ACBD3: variants seen among roughly 807,000 people sequenced by gnomAD.
The protein encoded by ACBD3 is acyl-CoA binding domain containing 3, also known as Golgi resident protein GCP60.
Under a neutral mutation model 66.9 loss-of-function variants are expected in ACBD3, and 30 were observed. That is an observed-to-expected ratio of 0.45 (90% CI 0.34 to 0.61). The LOEUF is 0.61. ACBD3 is among the 20% of genes least tolerant of loss of function. The pLI, the probability that ACBD3 is intolerant of heterozygous loss-of-function variation, is 0.02. For missense variants in ACBD3, 544 were observed against 664.5 expected, an observed-to-expected ratio of 0.82 and a Z score of 1.99; for synonymous variants, 278 against 259.8, an observed-to-expected ratio of 1.07 and a Z score of -0.68.
At chr1:226,175,091 CAAAAAAAAAAAAAAAA>C (rs35201518) in intron 1 of ACBD3, among the ~76,000 whole-genome samples, 2 of 75,998 alleles carry the variant, frequency 2.6e-5, no homozygotes, top group Non-Finnish European at 5.2e-5. Context: ...GACTCCATCT[CAAAAAAAAAAAAAAAA>C]AAAAGAAAGA....
chr1:226,167,704 G>A (rs578081162), intron 1 of ACBD3, among the ~76,000 whole-genome samples: 5 of 150,188 alleles, frequency 3.3e-5, no homozygotes, highest in African/African-American at 1.2e-4. Flanking sequence ...CTACTTATAT[G>A]TCTCATTCAT....
At chr1:226,149,453 C>T (rs1659520224) in intron 7 of ACBD3, among the ~76,000 whole-genome samples, 1 of 150,114 alleles carries the variant, frequency 6.7e-6, no homozygotes, top group Admixed American at 6.7e-5. Context: ...TCTTGAACTC[C>T]TGACCTCAGG....
intron 1 of ACBD3, among the ~76,000 whole-genome samples, chr1:226,172,201 C>CAAAAAAAAAAAAAAAA (rs1558129702): frequency 9.3e-6 from 1 of 107,026 alleles, no homozygotes. Context: ...TAGTCCTGGT[C>CAAAAAAAAAAAAAAAA]AGGCAAACAG....
At chr1:226,159,795 A>G (rs1558125833) in intron 4 of ACBD3, among the ~76,000 whole-genome samples, 1 of 152,192 alleles carries the variant, frequency 6.6e-6, no homozygotes, top group Non-Finnish European at 1.5e-5. Context: ...GTTTGGCTCT[A>G]GAGCTACACT....
At chr1:226,168,237 A>G (rs1449632082) in intron 1 of ACBD3, among the ~76,000 whole-genome samples, 1 of 152,186 alleles carries the variant, frequency 6.6e-6, no homozygotes, top group Non-Finnish European at 1.5e-5. Context: ...TCTCTCTCAA[A>G]ATATCTGAAT....
chr1:226,165,683 T>C (rs567023025), intron 2 of ACBD3, among the ~76,000 whole-genome samples, 176 bp downstream of exon 2: 1 of 152,292 alleles, frequency 6.6e-6, no homozygotes, highest in Non-Finnish European at 1.5e-5. Flanking sequence ...TATTTAACCA[T>C]AAACATCTCT....
At chr1:226,162,568 A>G (rs1659791500) in intron 3 of ACBD3, among the ~76,000 whole-genome samples, 1 of 152,124 alleles carries the variant, frequency 6.6e-6, no homozygotes, top group Non-Finnish European at 1.5e-5. Context: ...AACAGATCCT[A>G]TTGTGCTAGG....
chr1:226,153,761 A>G (rs1420260904), intron 6 of ACBD3, among the ~76,000 whole-genome samples: 3 of 152,204 alleles, frequency 2.0e-5, no homozygotes, highest in East Asian at 1.9e-4. Flanking sequence ...TCTCAAAAAT[A>G]TATCTATTTC....
chr1:226,165,439 G>A (rs1437643580), intron 2 of ACBD3, among the ~76,000 whole-genome samples: 1 of 152,060 alleles, frequency 6.6e-6, no homozygotes, highest in African/African-American at 2.4e-5. Flanking sequence ...CCAAAGTGCC[G>A]GGATTACAGG....
chr1:226,146,673 A>C lies in ACBD3; in HGVS notation c.1524T>G (p.Phe508Leu). Residue 508 changes from phenylalanine to leucine, a missense_variant, in exon 8 of 8, where the codon TTT (phenylalanine) becomes TTG (leucine). This residue lies in a region of ACBD3 where 383 missense variants were observed against 462.4 expected (regional missense o/e 0.83). Coordinates refer to ENST00000366812, the MANE Select transcript of ACBD3 (RefSeq NM_022735.4). ...YPGRGVYLLK[F>L]DNSYSLWRSK... ...ACCGCCACAAAGAGTAGGAGTTGTC[A>C]AACTTGAGGAGATAGACTCCTCTCC... The C allele has an allele frequency of 6.2e-7, 1 of 1,614,032 alleles. No individual in the cohort carries two copies. The highest frequency in any genetic ancestry group is 1.1e-5 in the South Asian group (1 of 91,082).
intron 1 of ACBD3, among the ~76,000 whole-genome samples, chr1:226,184,818 T>TA (rs1211570287): frequency 6.6e-6 from 1 of 151,296 alleles, no homozygotes; most frequent in Non-Finnish European, 1.5e-5. Context: ...TTTTTTTTTT[T>TA]AGACGGAGTT....
intron 1 of ACBD3, among the ~76,000 whole-genome samples, chr1:226,166,627 A>G (rs923616794): frequency 2.6e-5 from 4 of 151,750 alleles, no homozygotes; most frequent in Admixed American, 6.6e-5. Context: ...CTGGGACTAC[A>G]GGAGTATGCG....
intron 1 of ACBD3, among the ~76,000 whole-genome samples, chr1:226,176,640 C>T (rs993468014): frequency 4.0e-5 from 6 of 151,804 alleles, no homozygotes; most frequent in African/African-American, 1.5e-4. Context: ...TGGTCTTTGG[C>T]AAGAGGGCAC....
chr1:226,181,588 G>C (rs1277360655), intron 1 of ACBD3, among the ~76,000 whole-genome samples: 1 of 152,102 alleles, frequency 6.6e-6, no homozygotes, highest in Non-Finnish European at 1.5e-5. Flanking sequence ...ACTCAGAAAT[G>C]GGATTAATAC....
chr1:226,151,484 TA>T (rs1466115723), intron 7 of ACBD3, among the ~76,000 whole-genome samples: 1 of 152,220 alleles, frequency 6.6e-6, no homozygotes, highest in East Asian at 1.9e-4. Flanking sequence ...GACTGTCCTT[TA>T]AAACACCCAA....
At chr1:226,173,407 A>G (rs1272994815) in intron 1 of ACBD3, among the ~76,000 whole-genome samples, 1 of 152,206 alleles carries the variant, frequency 6.6e-6, no homozygotes, top group East Asian at 1.9e-4. Flanking sequence ...AATCAAACAC[A>G]CATACACATT....
chr1:226,174,524 G>T (rs961792421), intron 1 of ACBD3, among the ~76,000 whole-genome samples: 1 of 152,172 alleles, frequency 6.6e-6, no homozygotes, highest in African/African-American at 2.4e-5. Flanking sequence ...CAGCACTTTG[G>T]GAGGCCAGGG....
Position 226,149,589 on chromosome 1 carries a change from G to A in ACBD3, c.1375+2746C>T, listed in dbSNP as rs187447762. ...GGGGTCTGGCTCTGTGGCCCAGGCT[G>A]GAGTGAAGTGACTTGATCTCAGCTC... On this transcript the variant is annotated intron_variant, in intron 7 of 7. Coordinates refer to ENST00000366812, the MANE Select transcript of ACBD3 (RefSeq NM_022735.4). 3.9e-5 allele frequency among the ~76,000 whole-genome samples: 5 copies of A among 129,072 alleles called. No homozygotes were observed. The East Asian group carries it at 1.1e-3, about 29-fold the overall frequency. The allele number at this position is 129,072 out of a possible 152,430, so 84.7% of individuals were successfully genotyped here. A position where few individuals can be genotyped will look rare whatever the true frequency, so the allele number is the denominator to read the frequency against.
chr1:226,146,883 T>C, intron 7 of ACBD3, 62 bp from the exon 8 acceptor site: 1 of 1,461,640 alleles, frequency 6.8e-7, no homozygotes, highest in Non-Finnish European at 9.6e-7. Context: ...ATCAGGCAAT[T>C]AAAATCTATC....
Sources: gnomAD v4.1 joint callset for allele counts (sites outside exome capture counted in the v4.1 genomes callset) on GRCh38, gnomAD v4.1.1 for gene constraint, gnomAD v4.1.1 regional missense constraint, MANE v1.5 for transcripts, NCBI Gene and HGNC (gene_info 2026-07-23, HGNC 2026-07-21) for gene names.